Variants in HNRNPF observed in about 807,000 individuals in gnomAD.
HNRNPF encodes HnRNP F protein.
Under a neutral mutation model 26.0 loss-of-function variants are expected in HNRNPF, and 2 were observed. That is an observed-to-expected ratio of 0.08 (90% confidence interval 0.03 to 0.24). The LOEUF (loss-of-function observed/expected upper bound fraction) is 0.24. HNRNPF is among the 10% of genes least tolerant of loss of function. The pLI, the probability that HNRNPF is intolerant of heterozygous loss-of-function variation, is 1.00. For missense variants in HNRNPF, 299 were observed against 539.2 expected (o/e 0.55, Z 4.41); for synonymous variants, 234 against 211.5 (o/e 1.11, Z -0.92).
rs1482662608 is a variant in HNRNPF, at chr10:43,386,062, C to T, written c.*575G>A. On this transcript the variant is annotated 3_prime_UTR_variant, in exon 4 of 4. Transcript: ENST00000682386. Reference sequence around the variant, plus strand: ...TATTTTAAGAAAAAAATTTAGTTAACAAAAAATTTAACAAGTTTCACTTAG... The same window carrying T: ...TATTTTAAGAAAAAAATTTAGTTAATAAAAAATTTAACAAGTTTCACTTAG... 6.6e-6 allele frequency: 1 copy of T among 152,508 alleles called. No homozygotes were observed. The highest frequency in any genetic ancestry group is 1.5e-5 in the Non-Finnish European group (1 of 67,978). The allele number at this position is 152,508 out of a possible 1,614,324, so 9.4% of individuals were successfully genotyped here.
chr10:43,404,765 T>C (rs1439588742), intron 1 of HNRNPF, among the ~76,000 whole-genome samples: 1 of 152,008 alleles, frequency 6.6e-6, no homozygotes, highest in Admixed American at 6.6e-5. Flanking sequence ...CAGGAGGCAG[T>C]GAGACAAGAT....
chr10:43,389,641 T>A (rs1838166342), intron 3 of HNRNPF, among the ~76,000 whole-genome samples: 1 of 152,218 alleles, frequency 6.6e-6, no homozygotes, highest in Non-Finnish European at 1.5e-5. Flanking sequence ...GATAACAAGA[T>A]GTGTCTCCTC....
chr10:43,387,245 C>T lies in HNRNPF; in HGVS notation c.640G>A (p.Gly214Arg), dbSNP rs746120976. The change falls in exon 4 of 4, where the codon GGG becomes AGG. Residue 214 changes from glycine to arginine, a missense_variant. Physicochemically the swap from Gly to Arg is moderately radical, Grantham distance 125. Coordinates refer to ENST00000682386, the MANE Select transcript of HNRNPF (RefSeq NM_001098204.2). The surrounding 1 kb of genome is among the most constrained non-coding windows in gnomAD (Gnocchi z 6.0). Reference protein sequence around the residue: ...VQRPGPYDRPGTARRYIGIVK... With the variant: ...VQRPGPYDRPRTARRYIGIVK... The stretch of plus-strand genomic sequence containing the variant: ...ATGCCAATGTACCTCCTGGCAGTCC[C>T]GGGCCGGTCATAGGGCCCTGGCCGC... 1 of 1,614,198 alleles carries T rather than the reference C, an allele frequency of 6.2e-7. No individual in the cohort carries two copies.
chr10:43,400,207 A>AG (rs562940888), intron 1 of HNRNPF, among the ~76,000 whole-genome samples: 122 of 152,224 alleles, frequency 8.0e-4, no homozygotes, highest in African/African-American at 2.8e-3. Context: ...ATAAAAACTG[A>AG]GGGAAAAAAA....
chr10:43,387,054 G>A lies in HNRNPF; in HGVS notation c.831C>T (p.Gly277=), dbSNP rs566452971. 21 of 1,612,748 alleles carry A rather than the reference G, an allele frequency of 1.3e-5. No homozygotes were observed. Among genetic ancestry groups the A allele is most frequent in the Middle Eastern group, 1.7e-4 (1 of 6,060 alleles). ...TGCTCTGCACTGTGAACTCACTGTC[G>A]CCGTATCTGTGGTCATACATTCCGG... The part of the protein sequence containing the change: ...CLSGMYDHRY[G]DSEFTVQSTT... The change falls in exon 4 of 4, where the codon GGC becomes GGT. Residue 277 remains glycine, a synonymous_variant. Transcript: ENST00000682386. This position sits in a 1 kb window ranked among gnomAD's most constrained non-coding sequence, Gnocchi z 6.0.
intron 1 of HNRNPF, among the ~76,000 whole-genome samples, chr10:43,406,945 TTC>T (rs1171883356): frequency 6.6e-6 from 1 of 152,192 alleles, no homozygotes; most frequent in Non-Finnish European, 1.5e-5. Flanking sequence ...AGTTTATAAA[TTC>T]TGTGAGAGCA....
Position 43,386,997 on chromosome 10 carries a change from C to G in HNRNPF, c.888G>C (p.Leu296=). The G allele has an allele frequency of 1.2e-6, 2 of 1,613,998 alleles. No homozygotes were observed. The highest frequency in any genetic ancestry group is 2.2e-5 in the East Asian group (1 of 44,872). Residue 296 remains leucine, a synonymous_variant, in exon 4 of 4, where the codon CTG becomes CTC. Transcript: ENST00000682386. Reference sequence around the variant, plus strand: ...TGTCGTTCTCGGTCGCTTTGTACGGCAGGCCCCTCATGTGGACACAGTGGC... The same window carrying G: ...TGTCGTTCTCGGTCGCTTTGTACGGGAGGCCCCTCATGTGGACACAGTGGC... ...TTGHCVHMRG[L]PYKATENDIY...
chr10:43,392,696 C>T (rs1293990565), intron 3 of HNRNPF, among the ~76,000 whole-genome samples: 1 of 152,170 alleles, frequency 6.6e-6, no homozygotes, highest in Non-Finnish European at 1.5e-5. Context: ...CCAGTTAATT[C>T]CTTAGACAGT....
chr10:43,397,635 T>C (rs138460580), intron 1 of HNRNPF, among the ~76,000 whole-genome samples: 1,771 of 152,286 alleles, frequency 0.012, 28 homozygotes, highest in African/African-American at 0.041. Context: ...CGTAAAGATT[T>C]TGAAAAAAAA....
intron 1 of HNRNPF, among the ~76,000 whole-genome samples, chr10:43,402,022 T>TA (rs2131987494): frequency 6.7e-6 from 1 of 149,874 alleles, no homozygotes; most frequent in Admixed American, 6.6e-5. Flanking sequence ...AGAAATAACA[T>TA]ACCACACCTC....
Position 43,394,701 on chromosome 10 carries a change from CAG to C in HNRNPF, c.-111-15_-111-14del, listed in dbSNP as rs1564395834. ...GTAATGAAATGTCCTAAAAAAAAAA[CAG>C]AGCGATATTGGCTGTGTGGTCTCAG... On this transcript the variant is annotated splice_polypyrimidine_tract_variant and intron_variant, in intron 2 of 3. Transcript: ENST00000682386. 3 of 151,598 alleles carry C rather than the reference CAG, an allele frequency of 2.0e-5. No homozygotes were observed. Among genetic ancestry groups the C allele is most frequent in the African/African-American group, 4.9e-5 (2 of 41,198 alleles). The allele number at this position is 151,598 out of a possible 1,614,324, so 9.4% of individuals were successfully genotyped here.
chr10:43,407,775 G>A (rs971905837), intron 1 of HNRNPF: 1 of 152,286 alleles, frequency 6.6e-6, no homozygotes, highest in Admixed American at 6.5e-5. Context: ...GCGCAGCCGA[G>A]GAGGAAAAAG....
chr10:43,393,608 AAAG>A (rs1838341671), intron 3 of HNRNPF, among the ~76,000 whole-genome samples: 1 of 151,990 alleles, frequency 6.6e-6, no homozygotes, highest in Non-Finnish European at 1.5e-5. Context: ...AAAAAAAAAA[AAAG>A]TTTTCCAAGC....
At position 43,407,763 on chromosome 10, in the gene HNRNPF, C is replaced by A. The variant is rs181059692; in HGVS notation, c.-247+1368G>T. 632 of 152,370 alleles carry A rather than the reference C, an allele frequency of 4.1e-3. 5 individuals carry two copies. The highest frequency in any genetic ancestry group is 0.017 in the Middle Eastern group (5 of 294). The allele number at this position is 152,370 out of a possible 1,614,324, so 9.4% of individuals were successfully genotyped here. The stretch of plus-strand genomic sequence containing the variant: ...ACAGGGACCGCGCTCCGAGGACACG[C>A]GGCGCAGCCGAGGAGGAAAAAGGGC... On this transcript the variant is annotated intron_variant, in intron 1 of 3. Transcript: ENST00000682386.
chr10:43,399,628 AAATG>A (rs1838689429), intron 1 of HNRNPF, among the ~76,000 whole-genome samples: 1 of 152,230 alleles, frequency 6.6e-6, no homozygotes. Flanking sequence ...GCTATCTGGA[AAATG>A]AATGGTGGGA....
chr10:43,387,157 T>C lies in HNRNPF; in HGVS notation c.728A>G (p.Tyr243Cys), dbSNP rs1291273421. 1 of 1,614,174 alleles carries C rather than the reference T, an allele frequency of 6.2e-7. No individual in the cohort carries two copies. The highest frequency in any genetic ancestry group is 8.5e-7 in the Non-Finnish European group (1 of 1,180,028). The part of the protein sequence containing the change: ...PGAYSTGYGG[Y>C]EEYSGLSDGY... Reference sequence around the variant, plus strand: ...ATCACTGAGGCCACTGTACTCCTCGTAGCCCCCGTAGCCTGTGCTGTAGGC... The same window carrying C: ...ATCACTGAGGCCACTGTACTCCTCGCAGCCCCCGTAGCCTGTGCTGTAGGC... Residue 243 changes from tyrosine (Y) to cysteine (C), a missense_variant, in exon 4 of 4, where the codon TAC becomes TGC. By Grantham distance (194) the Tyr-to-Cys change is radical. Around this residue, in one of 6 missense-constraint regions of HNRNPF, gnomAD observed 74 missense variants for 77.7 expected, o/e 0.95. Coordinates refer to ENST00000682386, the MANE Select transcript of HNRNPF (RefSeq NM_001098204.2). The surrounding 1 kb of genome is among the most constrained non-coding windows in gnomAD (Gnocchi z 6.0).
Position 43,387,764 on chromosome 10 carries a change from C to A in HNRNPF, c.121G>T (p.Ala41Ser). 1 of 1,613,832 alleles carries A rather than the reference C, an allele frequency of 6.2e-7. No individual in the cohort carries two copies. Among genetic ancestry groups the A allele is most frequent in the Non-Finnish European group, 8.5e-7 (1 of 1,179,956 alleles). ...CTAGTGTAGATGAAATGGACACCTG[C>A]GGCCCCATCATGAATCGTGCAGTCA... ...LSDCTIHDGA[A>S]GVHFIYTREG... The change falls in exon 4 of 4, where the codon GCA (alanine) becomes TCA (serine). Residue 41 changes from alanine to serine, a missense_variant. Ala to Ser is a moderately conservative substitution (Grantham distance 99, BLOSUM62 1). Transcript: ENST00000682386. The surrounding 1 kb of genome is among the most constrained non-coding windows in gnomAD (Gnocchi z 6.0).
At chr10:43,402,836 C>T (rs993635841) in intron 1 of HNRNPF, among the ~76,000 whole-genome samples, 22 of 151,546 alleles carry the variant, frequency 1.5e-4, no homozygotes, top group Middle Eastern at 6.9e-3. Flanking sequence ...GGAGGCATAC[C>T]GTTAGGATAA....
In HNRNPF at chr10:43,388,437, T is replaced by G. The variant is rs977245589; in HGVS notation, c.-52-501A>C. 9.9e-5 allele frequency among the ~76,000 whole-genome samples: 15 copies of G among 152,244 alleles called. No homozygotes were observed. In the East Asian group the frequency reaches 1.9e-3, roughly 20 times the overall value. ...AGGGTAAGATTTTCTAGTGTTCTCA[T>G]CAGCAGTAATGTTGCCAGGATACAA... On this transcript the variant is annotated intron_variant, in intron 3 of 3. Transcript: ENST00000682386.
Sources: allele counts gnomAD v4.1 joint callset (sites outside exome capture counted in the v4.1 genomes callset), GRCh38; gene constraint gnomAD v4.1.1; regional missense constraint gnomAD v4.1.1; non-coding constraint Gnocchi (gnomAD v3.1); transcripts MANE v1.5; gene names NCBI Gene and HGNC (gene_info 2026-07-23, HGNC 2026-07-21).